FGF12: variants seen among roughly 807,000 people sequenced by gnomAD.
FGF12 encodes the protein fibroblast growth factor 12B.
A neutral mutation model predicts 23.6 loss-of-function variants in FGF12; 14 were observed. The ratio of observed to expected loss-of-function variants is 0.59; its 90% CI spans 0.39 to 0.93. The LOEUF is 0.93. Ranked by LOEUF, FGF12 falls within the 40% of genes least tolerant of loss-of-function variation. The probability of loss-of-function intolerance (pLI) is 0.00; values close to 1 mark genes in which losing one functional copy is unlikely to be tolerated. For synonymous variants in FGF12, 62 were observed against 77.3 expected (o/e 0.80, Z 1.04); for missense variants, 175 against 217.8 (o/e 0.80, Z 1.24).
intron 4 of FGF12, among the ~76,000 whole-genome samples, chr3:192,279,559 C>G (rs898402067): frequency 6.6e-6 from 1 of 152,122 alleles, no homozygotes; most frequent in Non-Finnish European, 1.5e-5. Flanking sequence ...GCAATTACAC[C>G]TGTCAGTTGA....
intron 4 of FGF12, among the ~76,000 whole-genome samples, chr3:192,295,752 A>C (rs1364210357): frequency 6.6e-6 from 1 of 152,214 alleles, no homozygotes; most frequent in Non-Finnish European, 1.5e-5. Context: ...TCTTCCCTGA[A>C]ATATCTGTCA....
intron 4 of FGF12, among the ~76,000 whole-genome samples, chr3:192,259,929 C>T (rs1712641352): frequency 6.6e-6 from 1 of 152,006 alleles, no homozygotes; most frequent in African/African-American, 2.4e-5. Flanking sequence ...TTATATGTGG[C>T]ATTCTCATAT....
At chr3:192,188,049 G>A (rs576484720) in intron 4 of FGF12, among the ~76,000 whole-genome samples, 7 of 152,230 alleles carry the variant, frequency 4.6e-5, no homozygotes, top group African/African-American at 1.7e-4. Flanking sequence ...AGAGAGCCAG[G>A]AAAGTTTCCT....
intron 2 of FGF12, among the ~76,000 whole-genome samples, chr3:192,435,488 A>C (rs142297766): frequency 2.9e-3 from 445 of 152,216 alleles, no homozygotes; most frequent in African/African-American, 0.01. Flanking sequence ...TGAACTTGCA[A>C]GTTTCGGGAA....
chr3:192,454,471 T>A (rs947419958), intron 2 of FGF12, among the ~76,000 whole-genome samples: 1 of 152,122 alleles, frequency 6.6e-6, no homozygotes, highest in Non-Finnish European at 1.5e-5. Context: ...TCTAGAAATG[T>A]TATGCACTCA....
chr3:192,557,574 C>G (rs1439978004), intron 2 of FGF12, among the ~76,000 whole-genome samples: 1 of 151,804 alleles, frequency 6.6e-6, no homozygotes, highest in African/African-American at 2.4e-5. Flanking sequence ...TATGAGGACA[C>G]CATTACCTTG....
rs1718850728 is a variant in FGF12 at position 192,228,457 on chromosome 3, T to A, written c.229-57801A>T. 2.0e-5 allele frequency among the ~76,000 whole-genome samples: 3 copies of A among 152,234 alleles called. No homozygotes were observed. The South Asian group carries it at 6.2e-4, about 32-fold the overall frequency. On this transcript the variant is annotated intron_variant, in intron 4 of 5. Transcript: ENST00000445105. Reference sequence around the variant, plus strand: ...GTAAATAGGCTAAATGTAACTAACTTTGCTCTTACCACAACAGTGTTTTAT... The same window carrying A: ...GTAAATAGGCTAAATGTAACTAACTATGCTCTTACCACAACAGTGTTTTAT...
chr3:192,206,857 C>T (rs1717676274), intron 4 of FGF12, among the ~76,000 whole-genome samples: 1 of 151,222 alleles, frequency 6.6e-6, no homozygotes, highest in South Asian at 2.1e-4. Context: ...CTCAACCCTC[C>T]TGGAGGGCCC....
intron 3 of FGF12, among the ~76,000 whole-genome samples, chr3:192,358,316 A>C (rs1295013158): frequency 6.6e-6 from 1 of 151,992 alleles, no homozygotes; most frequent in Non-Finnish European, 1.5e-5. Flanking sequence ...AACTTGTATT[A>C]ATCTATATAT....
At position 192,270,123 on chromosome 3, in the gene FGF12, G is replaced by C. The variant is rs538904177; in HGVS notation, c.228+65238C>G. On this transcript the variant is annotated intron_variant, in intron 4 of 5. Coordinates refer to ENST00000445105, the MANE Select transcript of FGF12 (RefSeq NM_004113.6). ...GTCAGGACCTAGCGGTTTTTCAGTA[G>C]AAATCTTTCACATATAAAATTCAAG... Among the ~76,000 whole-genome samples the C allele has an allele frequency of 1.8e-4, 28 of 152,010 alleles. No homozygotes were observed. In the South Asian group the frequency reaches 5.6e-3, roughly 30 times the overall value.
chr3:192,604,823 T>C (rs1021508942), intron 2 of FGF12, among the ~76,000 whole-genome samples: 6 of 152,196 alleles, frequency 3.9e-5, no homozygotes, highest in East Asian at 3.8e-4. Flanking sequence ...AAGGCTATAG[T>C]AACTAAAACA....
intron 2 of FGF12, among the ~76,000 whole-genome samples, chr3:192,683,633 A>C (rs1717623890): frequency 6.6e-6 from 1 of 152,222 alleles, no homozygotes; most frequent in Non-Finnish European, 1.5e-5. Context: ...GTTTAAAAAA[A>C]AATTTTTTTC....
In FGF12 at chr3:192,541,517, T is replaced by G. The variant is rs6808045; in HGVS notation, c.14-180979A>C. Among the ~76,000 whole-genome samples the G allele has an allele frequency of 6.5e-3, 992 of 152,300 alleles. 14 individuals are homozygous for G. The highest frequency in any genetic ancestry group is 0.022 in the African/African-American group (907 of 41,580). ...AAAGTTGTTGTAGTTTATTTTTGAT[T>G]GGTTCATCTTTAGTCTTTCTACTTA... On this transcript the variant is annotated intron_variant, in intron 2 of 5. Transcript: ENST00000445105.
At chr3:192,716,924 G>T (rs1718883962) in intron 2 of FGF12, among the ~76,000 whole-genome samples, 1 of 152,172 alleles carries the variant, frequency 6.6e-6, no homozygotes, top group South Asian at 2.1e-4. Context: ...TATTCAATGT[G>T]AGGGTTAGAA....
chr3:192,681,740 G>A (rs1225205592), intron 2 of FGF12, among the ~76,000 whole-genome samples: 2 of 135,586 alleles, frequency 1.5e-5, no homozygotes, highest in African/African-American at 5.8e-5. Context: ...TTACAGATGG[G>A]CATACAGGGA....
chr3:192,150,634 G>A (rs1307271986), intron 5 of FGF12, among the ~76,000 whole-genome samples: 4 of 149,230 alleles, frequency 2.7e-5, no homozygotes, highest in African/African-American at 7.4e-5. Flanking sequence ...GTAGGTATGC[G>A]GCATTATTTC....
At chr3:192,157,534 T>C (rs967936736) in intron 5 of FGF12, among the ~76,000 whole-genome samples, 3 of 152,200 alleles carry the variant, frequency 2.0e-5, no homozygotes, top group African/African-American at 7.2e-5. Context: ...TTAATATTTT[T>C]CTATTACATT....
chr3:192,167,244 C>T (rs967181220), intron 5 of FGF12, among the ~76,000 whole-genome samples: 2 of 151,490 alleles, frequency 1.3e-5, no homozygotes, highest in South Asian at 2.1e-4. Context: ...GTGGCCAGTG[C>T]GATAAGTAGC....
chr3:192,504,565 G>A (rs1237131490), intron 2 of FGF12, among the ~76,000 whole-genome samples: 3 of 152,098 alleles, frequency 2.0e-5, no homozygotes, highest in Non-Finnish European at 2.9e-5. Context: ...AGATCGGGGG[G>A]AAATTGAACA....
Sources: allele counts gnomAD v4.1 joint callset (sites outside exome capture counted in the v4.1 genomes callset), GRCh38; gene constraint gnomAD v4.1.1; transcripts MANE v1.5; gene names NCBI Gene and HGNC (gene_info 2026-07-23, HGNC 2026-07-21).